Variants in NLRC5 observed in about 807,000 individuals in gnomAD.
NLRC5 encodes the protein NLR family CARD domain containing 5.
A neutral mutation model predicts 206.9 loss-of-function variants in NLRC5; 114 were observed. The observed-to-expected ratio is 0.55, with a 90% CI of 0.47 to 0.64. NLRC5 has a LOEUF of 0.64. NLRC5 is among the 30% of genes least tolerant of loss of function. NLRC5 has a pLI of 0.00. For missense variants in NLRC5, 2,008 were observed against 2,305.5 expected, an observed-to-expected ratio of 0.87 and a Z score of 2.64; for synonymous variants, 952 against 962.8, an observed-to-expected ratio of 0.99 and a Z score of 0.21.
At chr16:57,058,600 C>T in intron 28 of NLRC5, 1 of 334,460 alleles carries the variant, frequency 3.0e-6, no homozygotes, top group Non-Finnish European at 5.6e-6. Context: ...CCCATCTCTC[C>T]CGTGACCTGC....
Position 57,059,469 on chromosome 16 carries a change from T to G in NLRC5, c.3923T>G (p.Leu1308Arg). The change falls in exon 30 of 49, where the codon CTG (leucine) becomes CGG (arginine). Residue 1308 changes from leucine (L) to arginine (R), a missense_variant and splice_region_variant. Transcript: ENST00000688547. ...TCCCCAGGCCCTTCTCTCTGCAGCC[T>G]GGGCTCTGAGCAGAGCTTCCGGATT... ...CPRVREASVN[L>R]GSEQSFRIHF... is the part of the protein sequence containing the mutation. The G allele has an allele frequency of 1.2e-6, 2 of 1,608,528 alleles. No homozygotes were observed. The highest frequency in any genetic ancestry group is 1.7e-6 in the Non-Finnish European group (2 of 1,177,470).
intron 14 of NLRC5, 24 bp downstream of exon 14, chr16:57,036,207 G>C: frequency 6.2e-7 from 1 of 1,609,294 alleles, no homozygotes; most frequent in African/African-American, 1.3e-5. Context: ...CCCACCGCTG[G>C]GTACCAGGGA....
chr16:57,080,968 C>T, intron 46 of NLRC5, 130 bp from the exon 47 acceptor site: 1 of 711,416 alleles, frequency 1.4e-6, no homozygotes, highest in Non-Finnish European at 2.4e-6. Flanking sequence ...CACAAGCACC[C>T]TATCAGGTGG....
At chr16:57,032,872 C>T (rs2062042018) in intron 11 of NLRC5, among the ~76,000 whole-genome samples, 1 of 151,818 alleles carries the variant, frequency 6.6e-6, no homozygotes, top group Non-Finnish European at 1.5e-5. Context: ...GTGATTCACT[C>T]CTATAGTACC....
intron 13 of NLRC5, 95 bp downstream of exon 13, chr16:57,034,346 G>A: frequency 1.2e-6 from 1 of 856,834 alleles, no homozygotes; most frequent in East Asian, 2.6e-5. Context: ...GTGGGGGAGG[G>A]GCATGCTGCC....
At chr16:57,044,453 C>T (rs2143846568) in intron 20 of NLRC5, among the ~76,000 whole-genome samples, 2 of 152,234 alleles carry the variant, frequency 1.3e-5, no homozygotes, top group South Asian at 2.1e-4. Flanking sequence ...GCACCGCATC[C>T]ATGATTTTCA....
intron 21 of NLRC5, among the ~76,000 whole-genome samples, chr16:57,046,018 G>A (rs1259631423): frequency 2.6e-5 from 4 of 152,234 alleles, no homozygotes; most frequent in Admixed American, 6.5e-5. Flanking sequence ...CAGTGGCAGC[G>A]GACAGGGTGG....
chr16:57,066,657 G>T, intron 34 of NLRC5, 43 bp downstream of exon 34: 1 of 1,551,290 alleles, frequency 6.4e-7, no homozygotes, highest in African/African-American at 1.4e-5. Flanking sequence ...GGCTGGTGTT[G>T]GGGAGGGGGC....
rs558596258 is a variant in NLRC5 at position 57,077,673 on chromosome 16, G to A, written c.4920-46G>A. ...ACCCAGCAGATGTGCTGGGGTGTCGGGGAGAGGGGGCATCAGAGGACCTGA... is the reference window on the plus strand; with the variant it reads ...ACCCAGCAGATGTGCTGGGGTGTCGAGGAGAGGGGGCATCAGAGGACCTGA... On this transcript the variant is annotated intron_variant, in intron 41 of 48. Transcript: ENST00000688547. 2.8e-5 allele frequency: 42 copies of A among 1,520,652 alleles called. No homozygotes were observed. The South Asian group carries it at 4.9e-4, about 18-fold the overall frequency. 94.2% of individuals were successfully genotyped at this position (1,520,652 alleles called of 1,614,324 possible). A position where few individuals can be genotyped will look rare whatever the true frequency, so the allele number is the denominator to read the frequency against.
chr16:57,031,717 G>C (rs766679567), intron 11 of NLRC5, among the ~76,000 whole-genome samples: 6 of 149,000 alleles, frequency 4.0e-5, no homozygotes, highest in Admixed American at 1.4e-4. Flanking sequence ...AACCCTTGGG[G>C]AGAACATAAA....
rs779432595 is a variant in NLRC5 at position 57,040,709 on chromosome 16, G to A, written c.2930G>A (p.Arg977Gln). The A allele has an allele frequency of 2.8e-5, 46 of 1,614,122 alleles. No individual in the cohort carries two copies. The Middle Eastern group carries it at 1.5e-3, about 52-fold the overall frequency. ...QMPSELPLSS[R>Q]RMRLTHCGLQ... ...CCCTCTGAGCTGCCTCTGAGCTCCC[G>A]AAGGATGAGGTACAGTGATGGCCTC... is the stretch of plus-strand genomic sequence containing the variant. Residue 977 changes from arginine (R) to glutamine (Q), a missense_variant, in exon 17 of 49, where the codon CGA becomes CAA. Physicochemically the swap from Arg to Gln is conservative, Grantham distance 43 (BLOSUM62 1). Coordinates refer to ENST00000688547, the MANE Select transcript of NLRC5 (RefSeq NM_001384950.1).
chr16:57,073,351 C>T (rs1160174652), intron 38 of NLRC5, among the ~76,000 whole-genome samples: 1 of 152,182 alleles, frequency 6.6e-6, no homozygotes, highest in African/African-American at 2.4e-5. Context: ...TGTAACTCCC[C>T]ACAGGCAGTT....
At chr16:57,061,556 G>A in intron 31 of NLRC5, 25 bp downstream of exon 31, 1 of 1,609,220 alleles carries the variant, frequency 6.2e-7, no homozygotes, top group Non-Finnish European at 8.5e-7. Context: ...CAGCCCGTGA[G>A]GACAGCAGAG....
chr16:57,077,857 C>G, intron 42 of NLRC5, 55 bp downstream of exon 42: 5 of 1,590,952 alleles, frequency 3.1e-6, no homozygotes, highest in Non-Finnish European at 4.3e-6. Context: ...TCCACCTGGC[C>G]TCCTCTCCCG....
intron 1 of NLRC5, among the ~76,000 whole-genome samples, chr16:57,010,936 T>G (rs1233827313): frequency 6.6e-6 from 1 of 152,132 alleles, no homozygotes; most frequent in Non-Finnish European, 1.5e-5. Context: ...ATTAAAAAGT[T>G]TGAATGGTTC....
At chr16:57,040,809 C>G in intron 17 of NLRC5, 91 bp downstream of exon 17, 2 of 1,272,514 alleles carry the variant, frequency 1.6e-6, no homozygotes, top group Non-Finnish European at 2.3e-6. Context: ...CCAGGCCCCA[C>G]ATGCTCCCTG....
At chr16:57,018,512 A>T (rs559662203) in intron 2 of NLRC5, among the ~76,000 whole-genome samples, 1 of 152,140 alleles carries the variant, frequency 6.6e-6, no homozygotes, top group East Asian at 1.9e-4. Context: ...GTGAGGACCT[A>T]TTGCTATTAG....
At chr16:57,000,004 C>G (rs1053075145) in intron 1 of NLRC5, among the ~76,000 whole-genome samples, 10 of 152,176 alleles carry the variant, frequency 6.6e-5, no homozygotes, top group African/African-American at 2.2e-4. Flanking sequence ...TGTGATGGGT[C>G]TGGAGTGTGG....
intron 1 of NLRC5, among the ~76,000 whole-genome samples, chr16:57,009,420 C>T (rs139904775): frequency 9.9e-5 from 15 of 152,062 alleles, no homozygotes; most frequent in Non-Finnish European, 2.1e-4. Flanking sequence ...GGTGAAACCC[C>T]GTCTCTACTA....
Sources: gnomAD v4.1 joint callset for allele counts (sites outside exome capture counted in the v4.1 genomes callset) on GRCh38, gnomAD v4.1.1 for gene constraint, MANE v1.5 for transcripts, NCBI Gene and HGNC (gene_info 2026-07-23, HGNC 2026-07-21) for gene names.